Variants in KIAA1549L observed in about 807,000 individuals in gnomAD.
KIAA1549L encodes UPF0606 protein KIAA1549L.
A neutral mutation model predicts 160.7 loss-of-function variants in KIAA1549L; 88 were observed. That is an observed-to-expected ratio of 0.55 (90% CI 0.46 to 0.65). KIAA1549L has a LOEUF of 0.65. Among genes scored for constraint, KIAA1549L ranks in the 30% least tolerant of loss-of-function variants. KIAA1549L has a pLI of 0.00. For synonymous variants in KIAA1549L, 950 were observed against 976.7 expected (o/e 0.97, Z 0.51); for missense variants, 2,258 against 2,437.5 (o/e 0.93, Z 1.55).
chr11:33,423,527 T>C (rs1851060022), intron 1 of KIAA1549L, among the ~76,000 whole-genome samples: 1 of 152,232 alleles, frequency 6.6e-6, no homozygotes, highest in Admixed American at 6.5e-5. Flanking sequence ...AGAGGACTGA[T>C]GATTAACAGC....
At chr11:33,546,354 C>A (rs1854261210) in intron 3 of KIAA1549L, among the ~76,000 whole-genome samples, 1 of 152,200 alleles carries the variant, frequency 6.6e-6, no homozygotes, top group African/African-American at 2.4e-5. Context: ...ATTCCACTCT[C>A]CTCTGGGTGG....
At chr11:33,408,489 G>GTGTGTATATATATATATATA (rs34208718) in intron 1 of KIAA1549L, among the ~76,000 whole-genome samples, 77 of 123,058 alleles carry the variant, frequency 6.3e-4, no homozygotes, top group African/African-American at 2.4e-3. Flanking sequence ...CTGTATATGT[G>GTGTGTATATATATATATATA]TATATATATA....
rs112636424 is a variant in KIAA1549L at position 33,485,160 on chromosome 11, G to A, written c.239-56642G>A. On this transcript the variant is annotated intron_variant, in intron 1 of 20. Transcript: ENST00000658780. ...GGTGCTTCCCATTGTTTTAGGAAAG[G>A]ACTTCCTGTCCCAGCCTGCCCATTG... 1.3e-5 allele frequency among the ~76,000 whole-genome samples: 2 copies of A among 152,254 alleles called. 1 individual carries two copies. Among genetic ancestry groups the A allele is most frequent in the African/African-American group, 4.8e-5 (2 of 41,542 alleles).
intron 20 of KIAA1549L, among the ~76,000 whole-genome samples, chr11:33,663,983 T>C (rs146560967): frequency 6.6e-5 from 10 of 152,344 alleles, no homozygotes; most frequent in South Asian, 2.1e-4. Flanking sequence ...CCCCATGTCC[T>C]GGTCTTGGTT....
rs555951345 is a variant in KIAA1549L, at chr11:33,437,392, A to G, written c.238+60503A>G. Among the ~76,000 whole-genome samples, 15 of 152,348 alleles carry G rather than the reference A, an allele frequency of 9.8e-5. No homozygotes were observed. In the South Asian group the frequency reaches 2.3e-3, roughly 23 times the overall value. ...ACAGAAGTGTTTATTCAAGCAGCCT[A>G]TCACTGAGAGGCAGCTCTGATGAAG... On this transcript the variant is annotated intron_variant, in intron 1 of 20. Transcript: ENST00000658780.
chr11:33,471,720 T>C (rs1852181767), intron 1 of KIAA1549L, among the ~76,000 whole-genome samples: 1 of 152,194 alleles, frequency 6.6e-6, no homozygotes, highest in African/African-American at 2.4e-5. Flanking sequence ...CTCCAACTGC[T>C]TTCACATGTT....
At chr11:33,401,905 C>G (rs972041653) in intron 1 of KIAA1549L, among the ~76,000 whole-genome samples, 5 of 152,188 alleles carry the variant, frequency 3.3e-5, no homozygotes, top group African/African-American at 1.2e-4. Flanking sequence ...GATGCGGAAG[C>G]CAGGTGGGTG....
intron 17 of KIAA1549L, among the ~76,000 whole-genome samples, chr11:33,654,813 A>T (rs1168481049): frequency 6.6e-6 from 1 of 152,204 alleles, no homozygotes; most frequent in African/African-American, 2.4e-5. Flanking sequence ...GCAGTTTCAC[A>T]CTGCATTAAA....
Position 33,668,056 on chromosome 11 carries a change from C to G in KIAA1549L, c.6343C>G (p.Leu2115Val). Reference protein sequence around the residue: ...LAENDPSDAPLTNISTAALVK... With the variant: ...LAENDPSDAPVTNISTAALVK... ...AGAAAACGACCCGTCTGACGCTCCCCTGACCAACATCTCCACTGCGGCCCT... is the reference window on the plus strand; with the variant it reads ...AGAAAACGACCCGTCTGACGCTCCCGTGACCAACATCTCCACTGCGGCCCT... Residue 2115 changes from leucine (L) to valine (V), a missense_variant, in exon 21 of 21, where the codon CTG (leucine) becomes GTG (valine). Coordinates refer to ENST00000658780, the MANE Select transcript of KIAA1549L (RefSeq NM_012194.3). The G allele has an allele frequency of 1.9e-6, 3 of 1,614,062 alleles. No homozygotes were observed. Among genetic ancestry groups the G allele is most frequent in the Non-Finnish European group, 2.5e-6 (3 of 1,179,904 alleles).
chr11:33,671,862 A>G lies in KIAA1549L; in HGVS notation c.*3708A>G, dbSNP rs1852683683. Reference sequence around the variant, plus strand: ...TAATCCTAAATTCCTCTTATCACACACCAGAAAATAATTTGGATTTTATTT... The same window carrying G: ...TAATCCTAAATTCCTCTTATCACACGCCAGAAAATAATTTGGATTTTATTT... On this transcript the variant is annotated 3_prime_UTR_variant, in exon 21 of 21. Coordinates refer to ENST00000658780, the MANE Select transcript of KIAA1549L (RefSeq NM_012194.3). The G allele has an allele frequency of 6.6e-6, 1 of 152,218 alleles. No homozygotes were observed. The highest frequency in any genetic ancestry group is 6.5e-5 in the Admixed American group (1 of 15,286). The allele number at this position is 152,218 out of a possible 1,614,324, so 9.4% of individuals were successfully genotyped here.
intron 16 of KIAA1549L, among the ~76,000 whole-genome samples, chr11:33,636,071 G>A (rs889501309): frequency 1.2e-4 from 19 of 152,222 alleles, no homozygotes; most frequent in Admixed American, 2.6e-4. Flanking sequence ...AGCTTATCCT[G>A]GTCAACAAGG....
At chr11:33,445,374 A>G (rs980190302) in intron 1 of KIAA1549L, among the ~76,000 whole-genome samples, 3 of 152,208 alleles carry the variant, frequency 2.0e-5, no homozygotes, top group Admixed American at 6.5e-5. Context: ...TTCAATTTAT[A>G]TTTAGAATTT....
Position 33,543,188 on chromosome 11 carries a change from T to C in KIAA1549L, c.1625T>C (p.Leu542Pro), listed in dbSNP as rs781197284. Residue 542 changes from leucine (L) to proline (P), a missense_variant, in exon 2 of 21, where the codon CTC becomes CCC. Physicochemically the swap from Leu to Pro is moderately conservative, Grantham distance 98 (BLOSUM62 -3). Around this residue, in one of 6 missense-constraint regions of KIAA1549L, gnomAD observed 540 missense variants for 465.7 expected, o/e 1.16. Coordinates refer to ENST00000658780, the MANE Select transcript of KIAA1549L (RefSeq NM_012194.3). ...TCCCCTCCTGCAACTAGAGACTTGC[T>C]CCTCTCAAGCAAAGTTCCTAATCTT... The part of the protein sequence containing the change: ...DGSPPATRDL[L>P]LSSKVPNLLS... The C allele has an allele frequency of 1.6e-5, 26 of 1,613,950 alleles. No individual in the cohort carries two copies. The African/African-American group carries it at 3.5e-4, about 22-fold the overall frequency.
intron 1 of KIAA1549L, among the ~76,000 whole-genome samples, chr11:33,409,003 G>C (rs1403109127): frequency 7.0e-6 from 1 of 142,416 alleles, no homozygotes; most frequent in East Asian, 2.2e-4. Context: ...TTGAAAAAAA[G>C]TCAGCAACTG....
At chr11:33,625,335 C>G (rs1851074893) in intron 16 of KIAA1549L, among the ~76,000 whole-genome samples, 1 of 152,154 alleles carries the variant, frequency 6.6e-6, no homozygotes, top group East Asian at 1.9e-4. Context: ...AATCGCCACA[C>G]TGACTTCCAC....
chr11:33,549,313 GT>G lies in KIAA1549L; in HGVS notation c.3501+1436del, dbSNP rs138706928. Among the ~76,000 whole-genome samples the G allele has an allele frequency of 2.8e-3, 432 of 152,326 alleles. 3 individuals carry two copies. The highest frequency in any genetic ancestry group is 9.9e-3 in the African/African-American group (411 of 41,562). On this transcript the variant is annotated intron_variant, in intron 4 of 20. Transcript: ENST00000658780. ...ACAGCTTGTTAAATTCAGGCTAGAGGTTGTTGCTTGCAGAAGGCTCTAAGGC... is the reference window on the plus strand; with the variant it reads ...ACAGCTTGTTAAATTCAGGCTAGAGGTGTTGCTTGCAGAAGGCTCTAAGGC...
Position 33,491,605 on chromosome 11 carries a change from ATAAAAC to A in KIAA1549L, c.239-50190_239-50185del, listed in dbSNP as rs562337897. ...ACTTTTGAAGCCCAAGCTAAAAAAA[ATAAAAC>A]TAAAACATCCTTCCCAACAAATCCC... On this transcript the variant is annotated intron_variant, in intron 1 of 20. Coordinates refer to ENST00000658780, the MANE Select transcript of KIAA1549L (RefSeq NM_012194.3). Among the ~76,000 whole-genome samples, 43 of 152,352 alleles carry A rather than the reference ATAAAAC, an allele frequency of 2.8e-4. 1 individual carries two copies. The South Asian group carries it at 5.4e-3, about 19-fold the overall frequency.
rs766570742 is a variant in KIAA1549L, at chr11:33,551,157, G to A, written c.3619G>A (p.Val1207Ile). The A allele has an allele frequency of 4.3e-6, 7 of 1,613,816 alleles. No homozygotes were observed. Among genetic ancestry groups the A allele is most frequent in the African/African-American group, 4.0e-5 (3 of 74,924 alleles). ...EMLGVYGVSN[V>I]TADLKQHTPH... ...GCTGGGTGTGTATGGAGTCAGCAAC[G>A]TCACTGCAGACCTGAAGCAACACAC... Residue 1207 changes from valine (V) to isoleucine (I), a missense_variant, in exon 5 of 21, where the codon GTC becomes ATC. Around this residue, in one of 6 missense-constraint regions of KIAA1549L, gnomAD observed 1,359 missense variants for 1,546.6 expected, o/e 0.88. Transcript: ENST00000658780.
At chr11:33,459,977 A>AAAAAAAAAG (rs1851909455) in intron 1 of KIAA1549L, among the ~76,000 whole-genome samples, 1 of 149,088 alleles carries the variant, frequency 6.7e-6, no homozygotes, top group East Asian at 1.9e-4. Flanking sequence ...AAAAAAAAAA[A>AAAAAAAAAG]GAAATAGCCT....
Sources: gnomAD v4.1 joint callset for allele counts (sites outside exome capture counted in the v4.1 genomes callset) on GRCh38, gnomAD v4.1.1 for gene constraint, gnomAD v4.1.1 regional missense constraint, MANE v1.5 for transcripts, NCBI Gene and HGNC (gene_info 2026-07-23, HGNC 2026-07-21) for gene names.